The following SERINC3 variants were observed in gnomAD, a reference collection of about 807,000 sequenced individuals.
SERINC3 encodes serine incorporator 3.
In SERINC3, 22 loss-of-function variants were observed where a neutral mutation model predicts 52.1. That is an observed-to-expected ratio of 0.42 (90% CI 0.30 to 0.60). The LOEUF is 0.60. Ranked by LOEUF, SERINC3 falls within the 20% of genes least tolerant of loss-of-function variation. The pLI is 0.16. For missense variants in SERINC3, 564 were observed against 584.6 expected, an observed-to-expected ratio of 0.96 and a Z score of 0.36; for synonymous variants, 226 against 212.7, an observed-to-expected ratio of 1.06 and a Z score of -0.54.
In SERINC3 at chr20:44,504,840, T is replaced by G; in HGVS notation, c.835A>C (p.Thr279Pro). The G allele has an allele frequency of 3.1e-6, 5 of 1,613,342 alleles. No individual in the cohort carries two copies. The highest frequency in any genetic ancestry group is 4.2e-6 in the Non-Finnish European group (5 of 1,179,480). The change falls in exon 7 of 10, where the codon ACT (threonine) becomes CCT (proline). Residue 279 changes from threonine to proline, a missense_variant. Thr to Pro is a conservative substitution (Grantham distance 38). Coordinates refer to ENST00000342374, the MANE Select transcript of SERINC3 (RefSeq NM_006811.4). Reference sequence around the variant, plus strand: ...ATGGCTGACCAGGTGAGGTACATAGTGTAGAGGGTGATGAGGGAGGACTGC... The same window carrying G: ...ATGGCTGACCAGGTGAGGTACATAGGGTAGAGGGTGATGAGGGAGGACTGC... ...LLQSSLITLY[T>P]MYLTWSAMSN...
In SERINC3 at chr20:44,515,475, G is replaced by A. The variant is rs539506275; in HGVS notation, c.40-1435C>T. 2.0e-5 allele frequency among the ~76,000 whole-genome samples: 3 copies of A among 152,242 alleles called. No homozygotes were observed. The East Asian group carries it at 5.8e-4, about 29-fold the overall frequency. On this transcript the variant is annotated intron_variant, in intron 1 of 9. Coordinates refer to ENST00000342374, the MANE Select transcript of SERINC3 (RefSeq NM_006811.4). ...ATGAAAGGTCACATACTGTATTAGT[G>A]CATTTATATAATAAAATATCCAGAA... is the stretch of plus-strand genomic sequence containing the variant.
intron 5 of SERINC3, among the ~76,000 whole-genome samples, chr20:44,508,221 C>T (rs553057063): frequency 1.7e-4 from 26 of 152,228 alleles, no homozygotes; most frequent in Non-Finnish European, 3.2e-4. Context: ...TGGTGGCTCA[C>T]GCCTGCAATC....
intron 9 of SERINC3, 73 bp downstream of exon 9, chr20:44,501,000 G>A (rs1047465497): frequency 9.0e-7 from 1 of 1,107,860 alleles, no homozygotes; most frequent in South Asian, 1.3e-5. Flanking sequence ...TCTGAGGTCA[G>A]GACAATGGAT....
Position 44,515,349 on chromosome 20 carries a change from G to C in SERINC3, c.40-1309C>G, listed in dbSNP as rs181540183. On this transcript the variant is annotated intron_variant, in intron 1 of 9. Coordinates refer to ENST00000342374, the MANE Select transcript of SERINC3 (RefSeq NM_006811.4). ...AGCCTGGGCAACAGAGTGAGACTTG[G>C]TCTATCTATACAATGGCTTATTCAG... Among the ~76,000 whole-genome samples, 1,032 of 152,210 alleles carry C rather than the reference G, an allele frequency of 6.8e-3. 12 individuals are homozygous for C. Among genetic ancestry groups the C allele is most frequent in the Non-Finnish European group, 0.011 (741 of 68,018 alleles).
chr20:44,514,941 ACTG>A (rs2064370798), intron 1 of SERINC3, among the ~76,000 whole-genome samples: 1 of 152,218 alleles, frequency 6.6e-6, no homozygotes, highest in Non-Finnish European at 1.5e-5. Flanking sequence ...TTTGTTTGAA[ACTG>A]CTATTAAAAC....
In SERINC3 at chr20:44,504,921, AG is replaced by A. The variant is rs1346367384; in HGVS notation, c.784-31del. On this transcript the variant is annotated intron_variant, in intron 6 of 9. Coordinates refer to ENST00000342374, the MANE Select transcript of SERINC3 (RefSeq NM_006811.4). Reference sequence around the variant, plus strand: ...GGAATCAAAAGGAAAACAGTGGCACAGGGACTGCCAAGGGCTGACTTTCCAA... The same window carrying A: ...GGAATCAAAAGGAAAACAGTGGCACAGGACTGCCAAGGGCTGACTTTCCAA... 7 of 1,580,556 alleles carry A rather than the reference AG, an allele frequency of 4.4e-6. No individual in the cohort carries two copies. The Admixed American group carries it at 1.2e-4, about 27-fold the overall frequency.
rs2064270365 is a variant in SERINC3, at chr20:44,500,232, G to A, written c.*64C>T. The A allele has an allele frequency of 5.9e-6, 9 of 1,536,640 alleles. No individual in the cohort carries two copies. The South Asian group carries it at 1.1e-4, about 18-fold the overall frequency. ...ATTTTAGTTGAAACAAACTTAAAAGGTATATGGGTTTTCGGTGAAGGAGAC... is the reference window on the plus strand; with the variant it reads ...ATTTTAGTTGAAACAAACTTAAAAGATATATGGGTTTTCGGTGAAGGAGAC... On this transcript the variant is annotated 3_prime_UTR_variant, in exon 10 of 10. Transcript: ENST00000342374.
At chr20:44,506,137 C>T (rs1478954779) in intron 6 of SERINC3, among the ~76,000 whole-genome samples, 1 of 151,226 alleles carries the variant, frequency 6.6e-6, no homozygotes, top group Non-Finnish European at 1.5e-5. Flanking sequence ...CCCGTCTCAA[C>T]TAAAAATACA....
At chr20:44,516,284 A>C (rs1238755365) in intron 1 of SERINC3, among the ~76,000 whole-genome samples, 2 of 152,178 alleles carry the variant, frequency 1.3e-5, no homozygotes, top group African/African-American at 2.4e-5. Context: ...CCTGGGCGAC[A>C]GACTGAGACT....
chr20:44,497,920 C>G lies in SERINC3; in HGVS notation c.*2376G>C, dbSNP rs1346078283. On this transcript the variant is annotated 3_prime_UTR_variant, in exon 10 of 10. Transcript: ENST00000342374. Reference sequence around the variant, plus strand: ...TCAGCAGCTACTGTCAGTGCTATGTCAGTGCTAAAAATGGGTTACACTTTG... The same window carrying G: ...TCAGCAGCTACTGTCAGTGCTATGTGAGTGCTAAAAATGGGTTACACTTTG... The G allele has an allele frequency of 6.6e-6, 1 of 152,182 alleles. No individual in the cohort carries two copies. The highest frequency in any genetic ancestry group is 1.5e-5 in the Non-Finnish European group (1 of 68,024). The allele number at this position is 152,182 out of a possible 1,614,324, so 9.4% of individuals were successfully genotyped here. A position where few individuals can be genotyped will look rare whatever the true frequency, so the allele number is the denominator to read the frequency against.
rs1379122166 is a variant in SERINC3, at chr20:44,522,003, T to C, written c.-52A>G. 2.6e-6 allele frequency: 4 copies of C among 1,557,442 alleles called. No individual in the cohort carries two copies. Among genetic ancestry groups the C allele is most frequent in the Admixed American group, 3.8e-5 (2 of 53,242 alleles). On this transcript the variant is annotated 5_prime_UTR_variant, in exon 1 of 10. Coordinates refer to ENST00000342374, the MANE Select transcript of SERINC3 (RefSeq NM_006811.4). ...GTCCTGAGGCTGCTTTCTAACACGGTGGTAACTGCCAGCTGAGGTGACTCC... is the reference window on the plus strand; with the variant it reads ...GTCCTGAGGCTGCTTTCTAACACGGCGGTAACTGCCAGCTGAGGTGACTCC...
intron 6 of SERINC3, among the ~76,000 whole-genome samples, chr20:44,506,576 C>A (rs1285091895): frequency 1.1e-5 from 1 of 93,288 alleles, no homozygotes; most frequent in African/African-American, 5.3e-5. Flanking sequence ...CAGAGCGAGA[C>A]TCCATCTCAA....
At chr20:44,508,673 C>G (rs1194860505) in intron 5 of SERINC3, among the ~76,000 whole-genome samples, 2 of 152,078 alleles carry the variant, frequency 1.3e-5, no homozygotes, top group Non-Finnish European at 2.9e-5. Flanking sequence ...AGCTTGAATG[C>G]AGGTTAAATG....
intron 4 of SERINC3, among the ~76,000 whole-genome samples, chr20:44,510,514 ATAT>A (rs1568788183): frequency 6.6e-6 from 1 of 152,184 alleles, no homozygotes; most frequent in Non-Finnish European, 1.5e-5. Context: ...CTAAATCCAC[ATAT>A]TAATAATGAG....
intron 1 of SERINC3, 52 bp from the exon 2 acceptor site, chr20:44,514,092 A>G: frequency 1.3e-6 from 2 of 1,537,878 alleles, no homozygotes; most frequent in Non-Finnish European, 1.8e-6. Flanking sequence ...ATACTCCTTT[A>G]TGACACAGAT....
intron 6 of SERINC3, 92 bp from the exon 7 acceptor site, chr20:44,504,983 C>G: frequency 1.1e-6 from 1 of 874,912 alleles, no homozygotes; most frequent in Non-Finnish European, 1.8e-6. Context: ...ATTCAACTAT[C>G]AGTAACTGAG....
At chr20:44,505,481 C>T (rs1474526441) in intron 6 of SERINC3, among the ~76,000 whole-genome samples, 1 of 152,030 alleles carries the variant, frequency 6.6e-6, no homozygotes, top group Non-Finnish European at 1.5e-5. Flanking sequence ...CCACCACACC[C>T]GGCTAATTTT....
chr20:44,501,120 G>A lies in SERINC3; in HGVS notation c.1236C>T (p.Leu412=). 1.2e-6 allele frequency: 2 copies of A among 1,614,090 alleles called. No individual in the cohort carries two copies. Reference sequence around the variant, plus strand: ...TCATGATGTACAAGGAAGCCAAGCAGAGCATGAGGTGGAATAAGGAGTAGC... The same window carrying A: ...TCATGATGTACAAGGAAGCCAAGCAAAGCATGAGGTGGAATAAGGAGTAGC... ...QYSYSLFHLM[L]CLASLYIMMT... The change falls in exon 9 of 10, where the codon CTC becomes CTT. Residue 412 remains leucine, a synonymous_variant. Coordinates refer to ENST00000342374, the MANE Select transcript of SERINC3 (RefSeq NM_006811.4).
chr20:44,514,044 G>C lies in SERINC3; in HGVS notation c.40-4C>G, dbSNP rs990929418. 7 of 1,613,530 alleles carry C rather than the reference G, an allele frequency of 4.3e-6. No homozygotes were observed. The highest frequency in any genetic ancestry group is 3.3e-5 in the Admixed American group (2 of 59,926). ...CACCGCTGCAGAGGCATGGAACCTG[G>C]AATGAGCACACCATGGTCACCTGAG... On this transcript the variant is annotated splice_polypyrimidine_tract_variant and splice_region_variant and intron_variant, in intron 1 of 9. Transcript: ENST00000342374.
Sources: gnomAD v4.1 joint callset for allele counts (sites outside exome capture counted in the v4.1 genomes callset) on GRCh38, gnomAD v4.1.1 for gene constraint, MANE v1.5 for transcripts, NCBI Gene and HGNC (gene_info 2026-07-23, HGNC 2026-07-21) for gene names.